EHBP1: variants seen among roughly 807,000 people sequenced by gnomAD.
The protein encoded by EHBP1 is EH domain-binding protein 1.
EHBP1 carries 55 observed loss-of-function variants against 144.0 expected under a neutral mutation model. That is an observed-to-expected ratio of 0.38 (90% CI 0.31 to 0.48). The LOEUF (loss-of-function observed/expected upper bound fraction) is 0.48, where lower values mean the gene tolerates loss of function less well. Among genes scored for constraint, EHBP1 ranks in the 20% least tolerant of loss-of-function variants. The probability of loss-of-function intolerance (pLI) is 0.98; values close to 1 mark genes in which losing one functional copy is unlikely to be tolerated. For synonymous variants in EHBP1, 469 were observed against 472.7 expected, an observed-to-expected ratio of 0.99 and a Z score of 0.10; for missense variants, 1,200 against 1,364.2, an observed-to-expected ratio of 0.88 and a Z score of 1.90.
chr2:62,953,792 G>A (rs1163408985), intron 13 of EHBP1, among the ~76,000 whole-genome samples: 1 of 151,676 alleles, frequency 6.6e-6, no homozygotes, highest in Non-Finnish European at 1.5e-5. Flanking sequence ...GTGTTTATGT[G>A]CTGTTAAACA....
intron 15 of EHBP1, among the ~76,000 whole-genome samples, chr2:62,983,179 G>A (rs1000143631): frequency 2.0e-5 from 3 of 152,210 alleles, no homozygotes; most frequent in Non-Finnish European, 2.9e-5. Flanking sequence ...TGTAACAAAC[G>A]ATGTGGGTTG....
intron 14 of EHBP1, among the ~76,000 whole-genome samples, chr2:62,958,121 G>A (rs902059809): frequency 5.9e-5 from 9 of 152,100 alleles, no homozygotes; most frequent in Non-Finnish European, 1.2e-4. Context: ...TTGCCAGTAG[G>A]AATGTAAAAT....
chr2:62,875,596 C>G (rs183896045), intron 10 of EHBP1, among the ~76,000 whole-genome samples: 1 of 152,278 alleles, frequency 6.6e-6, no homozygotes. Flanking sequence ...CTTCTTACCT[C>G]AAAACAATCA....
intron 10 of EHBP1, among the ~76,000 whole-genome samples, chr2:62,921,282 C>CA (rs2055056621): frequency 6.6e-6 from 1 of 151,738 alleles, no homozygotes; most frequent in Non-Finnish European, 1.5e-5. Flanking sequence ...CCCATCTTTA[C>CA]AAAAAATACA....
At chr2:62,856,390 GC>G (rs1427853021) in intron 7 of EHBP1, among the ~76,000 whole-genome samples, 1 of 152,160 alleles carries the variant, frequency 6.6e-6, no homozygotes, top group Non-Finnish European at 1.5e-5. Context: ...TGTGGAAACT[GC>G]AGTGCACCTG....
At chr2:62,869,760 T>TTTCAAATGGC (rs1473959040) in intron 9 of EHBP1, among the ~76,000 whole-genome samples, 1 of 152,206 alleles carries the variant, frequency 6.6e-6, no homozygotes, top group Non-Finnish European at 1.5e-5. Flanking sequence ...CATTAAATAT[T>TTTCAAATGGC]TTCAAATGTA....
intron 3 of EHBP1, among the ~76,000 whole-genome samples, chr2:62,756,245 A>G (rs1328142833): frequency 6.6e-6 from 1 of 152,240 alleles, no homozygotes; most frequent in African/African-American, 2.4e-5. Context: ...TATTGTATCA[A>G]ACATTGTTTG....
In EHBP1 at chr2:62,954,732, A is replaced by G. The variant is rs1215537246; in HGVS notation, c.2317-785A>G. Among the ~76,000 whole-genome samples, 4 of 152,142 alleles carry G rather than the reference A, an allele frequency of 2.6e-5. No individual in the cohort carries two copies. The East Asian group carries it at 7.7e-4, about 29-fold the overall frequency. ...ACAGTGATACTTATGATTGAACCAA[A>G]ACTATGCAATGAAAGGGAAGTAAAA... On this transcript the variant is annotated intron_variant, in intron 13 of 22. Coordinates refer to ENST00000431489, the MANE Select transcript of EHBP1 (RefSeq NM_001142616.3).
At chr2:62,841,753 T>C (rs957925881) in intron 7 of EHBP1, among the ~76,000 whole-genome samples, 5 of 152,178 alleles carry the variant, frequency 3.3e-5, no homozygotes, top group African/African-American at 1.2e-4. Flanking sequence ...TCTTTTCTTT[T>C]CTTTCTCTTT....
rs886290768 is a variant in EHBP1 at position 62,707,053 on chromosome 2, T to C, written c.-139T>C. The C allele has an allele frequency of 2.0e-5, 13 of 637,440 alleles. 1 individual carries two copies. Among genetic ancestry groups the C allele is most frequent in the African/African-American group, 9.1e-5 (5 of 54,998 alleles). The allele number at this position is 637,440 out of a possible 1,614,324, so 39.5% of individuals were successfully genotyped here. On this transcript the variant is annotated 5_prime_UTR_variant, in exon 2 of 23. The change abolishes an upstream ATG in the 5' untranslated region. Transcript: ENST00000431489. Reference sequence around the variant, plus strand: ...CCCTGTGAAACAGGGAGAAGACTTATGGACCCCAAGCATCATTTCGAGTTG... The same window carrying C: ...CCCTGTGAAACAGGGAGAAGACTTACGGACCCCAAGCATCATTTCGAGTTG...
At chr2:62,886,507 G>T (rs1356436915) in intron 10 of EHBP1, among the ~76,000 whole-genome samples, 2 of 148,832 alleles carry the variant, frequency 1.3e-5, no homozygotes, top group Non-Finnish European at 3.0e-5. Flanking sequence ...TGTTCTATTG[G>T]TTAGTATTTT....
At chr2:63,012,964 T>TA (rs2060331930) in intron 19 of EHBP1, among the ~76,000 whole-genome samples, 1 of 151,894 alleles carries the variant, frequency 6.6e-6, no homozygotes. Context: ...GTCTTATGTT[T>TA]AAAAAAAGAA....
intron 5 of EHBP1, among the ~76,000 whole-genome samples, chr2:62,799,513 G>A (rs1573412451): frequency 6.6e-6 from 1 of 152,138 alleles, no homozygotes; most frequent in East Asian, 1.9e-4. Context: ...CCTGCTCTTA[G>A]ACAATGCTGT....
intron 14 of EHBP1, among the ~76,000 whole-genome samples, chr2:62,962,146 G>A (rs769822358): frequency 6.6e-5 from 10 of 151,894 alleles, no homozygotes; most frequent in African/African-American, 1.2e-4. Context: ...CTAACATGGC[G>A]AAACCCCATC....
intron 2 of EHBP1, among the ~76,000 whole-genome samples, chr2:62,726,169 C>T (rs1001168535): frequency 1.4e-4 from 22 of 152,334 alleles, no homozygotes; most frequent in African/African-American, 5.3e-4. Context: ...GATGCTCCTT[C>T]ACCAAACCCT....
intron 19 of EHBP1, among the ~76,000 whole-genome samples, chr2:63,020,678 CT>C (rs577103278): frequency 5.8e-4 from 84 of 144,776 alleles, no homozygotes; most frequent in Admixed American, 9.7e-4. Flanking sequence ...TTTTTTCTTT[CT>C]TTTTTTTTTT....
chr2:62,874,189 A>G (rs1487789775), intron 9 of EHBP1, among the ~76,000 whole-genome samples, 157 bp from the exon 10 acceptor site: 3 of 152,230 alleles, frequency 2.0e-5, no homozygotes, highest in Non-Finnish European at 2.9e-5. Context: ...GAAATGGACC[A>G]AAAGATTAAT....
At chr2:62,713,436 G>T (rs1233222373) in intron 2 of EHBP1, among the ~76,000 whole-genome samples, 2 of 151,956 alleles carry the variant, frequency 1.3e-5, no homozygotes, top group African/African-American at 4.8e-5. Flanking sequence ...TAGAGACAGG[G>T]TTTTGCTATG....
intron 2 of EHBP1, among the ~76,000 whole-genome samples, chr2:62,723,067 A>C (rs953142766): frequency 6.6e-6 from 1 of 152,104 alleles, no homozygotes; most frequent in Non-Finnish European, 1.5e-5. Context: ...TCTTTGTTCA[A>C]AGTTTCTGCC....
Sources: allele counts gnomAD v4.1 joint callset (sites outside exome capture counted in the v4.1 genomes callset), GRCh38; gene constraint gnomAD v4.1.1; transcripts MANE v1.5; gene names NCBI Gene and HGNC (gene_info 2026-07-23, HGNC 2026-07-21).